IFT43: variants seen among roughly 807,000 people sequenced by gnomAD.
The protein encoded by IFT43 is intraflagellar transport protein 43 homolog.
Under a neutral mutation model 32.3 loss-of-function variants are expected in IFT43, and 33 were observed. The observed-to-expected ratio is 1.02, with a 90% confidence interval of 0.77 to 1.37. The LOEUF (loss-of-function observed/expected upper bound fraction) is 1.37, where lower values mean the gene tolerates loss of function less well. Among genes scored for constraint, IFT43 ranks in the 40% most tolerant of loss-of-function variants. IFT43 has a pLI of 0.00. For synonymous variants in IFT43, 93 were observed against 98.2 expected, an observed-to-expected ratio of 0.95 and a Z score of 0.31; for missense variants, 274 against 265.9, an observed-to-expected ratio of 1.03 and a Z score of -0.21.
At chr14:76,033,484 G>A (rs2036544816) in intron 3 of IFT43, among the ~76,000 whole-genome samples, 1 of 152,172 alleles carries the variant, frequency 6.6e-6, no homozygotes, top group Non-Finnish European at 1.5e-5. Flanking sequence ...GAGGGGAATG[G>A]GGACTTTAGA....
intron 2 of IFT43, among the ~76,000 whole-genome samples, chr14:76,019,598 T>G (rs894002574): frequency 3.3e-5 from 5 of 152,202 alleles, no homozygotes; most frequent in Non-Finnish European, 7.3e-5. Context: ...TTCCTGTATC[T>G]GAATATCTAT....
intron 4 of IFT43, 129 bp downstream of exon 4, chr14:76,058,803 A>T (rs777607567): frequency 1.3e-6 from 2 of 1,580,372 alleles, no homozygotes; most frequent in East Asian, 4.5e-5. Flanking sequence ...AGAATTATTG[A>T]TGCCTGCTGA....
chr14:76,055,285 G>A (rs1256069200), intron 3 of IFT43, among the ~76,000 whole-genome samples: 2 of 151,530 alleles, frequency 1.3e-5, no homozygotes, highest in Non-Finnish European at 2.9e-5. Flanking sequence ...GTTTGAGGCT[G>A]CAGTGAACCA....
At chr14:75,990,949 C>T (rs1442353069) in intron 2 of IFT43, among the ~76,000 whole-genome samples, 2 of 152,146 alleles carry the variant, frequency 1.3e-5, no homozygotes, top group African/African-American at 2.4e-5. Context: ...GCAGGGTTGG[C>T]ATATTTCAGT....
At chr14:75,995,706 A>G (rs574269906) in intron 2 of IFT43, among the ~76,000 whole-genome samples, 2 of 152,174 alleles carry the variant, frequency 1.3e-5, no homozygotes, top group African/African-American at 4.8e-5. Flanking sequence ...CTTCTTTCTC[A>G]CAAAAATAAC....
chr14:76,064,250 G>C (rs904807702), intron 5 of IFT43, among the ~76,000 whole-genome samples: 5 of 152,078 alleles, frequency 3.3e-5, no homozygotes, highest in African/African-American at 1.2e-4. Context: ...TTGCATTTCT[G>C]TTCTCAGAGT....
chr14:76,054,580 G>C (rs1201040940), intron 3 of IFT43, among the ~76,000 whole-genome samples: 1 of 152,214 alleles, frequency 6.6e-6, no homozygotes, highest in Non-Finnish European at 1.5e-5. Context: ...CTCTTCTCCA[G>C]AACTCAGCCG....
At chr14:76,031,527 A>G (rs563573950) in intron 3 of IFT43, among the ~76,000 whole-genome samples, 85 of 152,220 alleles carry the variant, frequency 5.6e-4, no homozygotes, top group Non-Finnish European at 1.0e-3. Flanking sequence ...GGTCTCATCT[A>G]CTAATGTGAA....
chr14:76,059,552 C>T (rs1432282190), intron 5 of IFT43, 179 bp downstream of exon 5: 2 of 652,558 alleles, frequency 3.1e-6, no homozygotes, highest in Non-Finnish European at 5.5e-6. Flanking sequence ...CCTGGAGTAT[C>T]TCTCCCTTCT....
At position 75,992,085 on chromosome 14, in the gene IFT43, G is replaced by T. The variant is rs183121342; in HGVS notation, c.147+3108G>T. Reference sequence around the variant, plus strand: ...TACCTGGGAGCTGTCAGACATGCTGGAGTTACTTTAGACTTAAGTGGAAAT... The same window carrying T: ...TACCTGGGAGCTGTCAGACATGCTGTAGTTACTTTAGACTTAAGTGGAAAT... On this transcript the variant is annotated intron_variant, in intron 2 of 8. Coordinates refer to ENST00000314067, the MANE Select transcript of IFT43 (RefSeq NM_001102564.3). Among the ~76,000 whole-genome samples the T allele has an allele frequency of 2.1e-3, 317 of 152,292 alleles. 3 individuals carry two copies. Among genetic ancestry groups the T allele is most frequent in the African/African-American group, 7.4e-3 (306 of 41,568 alleles).
intron 2 of IFT43, among the ~76,000 whole-genome samples, chr14:76,000,708 G>A (rs2035868098): frequency 6.6e-6 from 1 of 152,200 alleles, no homozygotes. Context: ...AGTGACAAGA[G>A]ACCTGTTTGA....
chr14:76,018,306 C>T (rs1247301521), intron 2 of IFT43, among the ~76,000 whole-genome samples: 1 of 151,760 alleles, frequency 6.6e-6, no homozygotes, highest in Non-Finnish European at 1.5e-5. Flanking sequence ...CTTCATTGAT[C>T]CAGTGGTTGT....
rs180955621 is a variant in IFT43, at chr14:76,050,297, C to T, written c.216-8345C>T. Among the ~76,000 whole-genome samples, 6 of 152,342 alleles carry T rather than the reference C, an allele frequency of 3.9e-5. 1 individual carries two copies. The highest frequency in any genetic ancestry group is 7.2e-5 in the African/African-American group (3 of 41,572). On this transcript the variant is annotated intron_variant, in intron 3 of 8. Coordinates refer to ENST00000314067, the MANE Select transcript of IFT43 (RefSeq NM_001102564.3). Reference sequence around the variant, plus strand: ...ACCTCAGTTTCCAGGTCCAGCACTGCGTCCACTGGCTTTGGAGCCTTCATT... The same window carrying T: ...ACCTCAGTTTCCAGGTCCAGCACTGTGTCCACTGGCTTTGGAGCCTTCATT...
chr14:75,994,697 G>A (rs185441315), intron 2 of IFT43, among the ~76,000 whole-genome samples: 5 of 152,316 alleles, frequency 3.3e-5, no homozygotes, highest in Admixed American at 1.3e-4. Flanking sequence ...TGGAATTATA[G>A]GTATTGAGGA....
At chr14:76,054,775 C>T (rs926579476) in intron 3 of IFT43, among the ~76,000 whole-genome samples, 2 of 152,202 alleles carry the variant, frequency 1.3e-5, no homozygotes, top group South Asian at 2.1e-4. Flanking sequence ...GATCTCAGCT[C>T]TGCAGACAGC....
chr14:75,985,904 G>A (rs2035512623), intron 1 of IFT43, 64 bp downstream of exon 1: 3 of 1,590,168 alleles, frequency 1.9e-6, no homozygotes. Flanking sequence ...CGACCCCGCC[G>A]GCCCCGACTT....
At chr14:76,045,428 A>C (rs1366419684) in intron 3 of IFT43, among the ~76,000 whole-genome samples, 2 of 152,374 alleles carry the variant, frequency 1.3e-5, no homozygotes, top group East Asian at 3.9e-4. Flanking sequence ...CTTCCTGACT[A>C]GAATGAGTTC....
chr14:76,077,538 C>T (rs1231097295), intron 5 of IFT43, among the ~76,000 whole-genome samples: 2 of 152,130 alleles, frequency 1.3e-5, no homozygotes, highest in African/African-American at 4.8e-5. Flanking sequence ...AGTTCACCAT[C>T]CAGGGGGCAG....
chr14:76,065,291 A>G (rs1805055190), intron 5 of IFT43, among the ~76,000 whole-genome samples: 1 of 152,180 alleles, frequency 6.6e-6, no homozygotes, highest in Non-Finnish European at 1.5e-5. Context: ...TGCCAGCTAC[A>G]TTTTCTCTCA....
Sources: allele counts gnomAD v4.1 joint callset (sites outside exome capture counted in the v4.1 genomes callset), GRCh38; gene constraint gnomAD v4.1.1; transcripts MANE v1.5; gene names NCBI Gene and HGNC (gene_info 2026-07-23, HGNC 2026-07-21).